Variants in PCNT observed in about 807,000 individuals in gnomAD.
PCNT encodes the protein pericentrin, also known as kendrin.
A neutral mutation model predicts 380.4 loss-of-function variants in PCNT; 319 were observed. The observed-to-expected ratio is 0.84, with a 90% CI of 0.77 to 0.92. The LOEUF is 0.92. Ranked by LOEUF, PCNT falls within the 40% of genes least tolerant of loss-of-function variation. The pLI, the probability that PCNT is intolerant of heterozygous loss-of-function variation, is 0.00. For synonymous variants in PCNT, 1,845 were observed against 1,735.2 expected (o/e 1.06, Z -1.57); for missense variants, 4,400 against 4,255.3 (o/e 1.03, Z -0.95).
At position 46,346,708 on chromosome 21, in the gene PCNT, A is replaced by G. The variant is rs753024808; in HGVS notation, c.721-35A>G. The G allele has an allele frequency of 3.8e-6, 6 of 1,579,910 alleles. No individual in the cohort carries two copies. The Admixed American group carries it at 5.5e-5, about 15-fold the overall frequency. ...TCCCTGATGCGCCCTGGTTCTGACC[A>G]TGGGCCCTTATCAGAGGCCTTTTCT... is the stretch of plus-strand genomic sequence containing the variant. On this transcript the variant is annotated intron_variant, in intron 4 of 46. Coordinates refer to ENST00000359568, the MANE Select transcript of PCNT (RefSeq NM_006031.6).
At chr21:46,358,149 C>T (rs112324320) in intron 13 of PCNT, among the ~76,000 whole-genome samples, 27 of 152,300 alleles carry the variant, frequency 1.8e-4, no homozygotes, top group Non-Finnish European at 2.5e-4. Flanking sequence ...CCGTCCCATG[C>T]GGGAGCAGTG....
intron 20 of PCNT, 118 bp from the exon 21 acceptor site, chr21:46,391,046 C>T: frequency 8.5e-7 from 1 of 1,173,696 alleles, no homozygotes; most frequent in Non-Finnish European, 1.2e-6. Flanking sequence ...GTCCTGGAAG[C>T]TGCTGGCTCT....
chr21:46,366,565 G>A lies in PCNT; in HGVS notation c.2610-19G>A. On this transcript the variant is annotated intron_variant, in intron 14 of 46. Coordinates refer to ENST00000359568, the MANE Select transcript of PCNT (RefSeq NM_006031.6). ...CCTGATGCATGTTTAACTGTCCTGT[G>A]TTCACTTTGTTGCCGCAGGTTTTTA... 6.2e-7 allele frequency: 1 copy of A among 1,609,052 alleles called. No homozygotes were observed. Among genetic ancestry groups the A allele is most frequent in the Non-Finnish European group, 8.5e-7 (1 of 1,175,506 alleles).
chr21:46,428,963 G>A (rs1208424363), intron 35 of PCNT, among the ~76,000 whole-genome samples: 48 of 152,236 alleles, frequency 3.2e-4, no homozygotes, highest in Non-Finnish European at 1.2e-4. Context: ...GGTAAGTAAC[G>A]ATTTTTTGTT....
intron 3 of PCNT, among the ~76,000 whole-genome samples, chr21:46,343,380 AT>A (rs1393524628): frequency 3.3e-5 from 5 of 152,100 alleles, no homozygotes; most frequent in Non-Finnish European, 5.9e-5. Context: ...TTCTGCATCT[AT>A]TGAGATGATC....
chr21:46,362,850 G>A (rs1022901936), intron 13 of PCNT, among the ~76,000 whole-genome samples: 2 of 151,814 alleles, frequency 1.3e-5, no homozygotes, highest in African/African-American at 2.4e-5. Flanking sequence ...TCCAGCCTGG[G>A]CGACAGACCC....
At chr21:46,325,217 G>C (rs2083336403) in intron 1 of PCNT, 1 of 984,554 alleles carries the variant, frequency 1.0e-6, no homozygotes, top group Non-Finnish European at 1.2e-6. Context: ...CGAGGTGCGC[G>C]CCGCTCCCCC....
chr21:46,443,583 C>T (rs1032765754), intron 44 of PCNT, among the ~76,000 whole-genome samples: 6 of 152,148 alleles, frequency 3.9e-5, no homozygotes, highest in African/African-American at 9.7e-5. Context: ...CCCCCTGCCC[C>T]GCACTCCCCC....
chr21:46,428,385 G>A lies in PCNT; in HGVS notation c.7495-10G>A, dbSNP rs748045851. On this transcript the variant is annotated splice_polypyrimidine_tract_variant and intron_variant, in intron 34 of 46. Transcript: ENST00000359568. ...CAATGCTCAGGCTGCTTGTCCCATT[G>A]TGCCCCCAGGGAGACCTGCAGGAAA... 1.2e-6 allele frequency: 2 copies of A among 1,611,268 alleles called. No individual in the cohort carries two copies. The highest frequency in any genetic ancestry group is 1.7e-6 in the Non-Finnish European group (2 of 1,179,298).
chr21:46,373,921 C>T (rs1292921901), intron 15 of PCNT, among the ~76,000 whole-genome samples: 2 of 150,706 alleles, frequency 1.3e-5, no homozygotes, highest in African/African-American at 4.9e-5. Context: ...GTAGAAACAG[C>T]GTTTCACCAT....
At chr21:46,414,166 A>AT (rs1209760562) in intron 29 of PCNT, among the ~76,000 whole-genome samples, 7 of 151,834 alleles carry the variant, frequency 4.6e-5, no homozygotes, top group Admixed American at 1.3e-4. Flanking sequence ...TGATTTTTGT[A>AT]TTTTTAGTAG....
intron 10 of PCNT, among the ~76,000 whole-genome samples, 170 bp from the exon 11 acceptor site, chr21:46,353,817 T>A (rs1007202825): frequency 6.6e-6 from 1 of 151,918 alleles, no homozygotes; most frequent in Non-Finnish European, 1.5e-5. Flanking sequence ...CCCTGTGCCG[T>A]GTCTCTGGCT....
rs372175239 is a variant in PCNT at position 46,391,300 on chromosome 21, G to A, written c.4140G>A (p.Ala1380=). 9.8e-4 allele frequency: 1,538 copies of A among 1,573,266 alleles called. 2 individuals carry two copies. The highest frequency in any genetic ancestry group is 1.1e-3 in the Non-Finnish European group (1,285 of 1,159,280). The change falls in exon 21 of 47, where the codon GCG becomes GCA. Residue 1380 remains alanine, a synonymous_variant. Transcript: ENST00000359568. ...TGCAGCAGGCGGCCCAGGAGCAGGC[G>A]GCGCTGAGGGAGGAGTGCACCCGTC... ...RQLQQAAQEQ[A]ALREECTRLW...
chr21:46,333,696 T>G (rs1165954769), intron 2 of PCNT, among the ~76,000 whole-genome samples: 1 of 132,910 alleles, frequency 7.5e-6, no homozygotes, highest in African/African-American at 2.9e-5. Context: ...AGGTCAGGAG[T>G]TCAAGACCAG....
intron 2 of PCNT, 103 bp downstream of exon 2, chr21:46,326,692 G>T (rs2083405648): frequency 7.9e-7 from 1 of 1,258,212 alleles, no homozygotes. Flanking sequence ...CCTTTCAAAA[G>T]TGAGGAAAGA....
chr21:46,413,988 TTCTC>T (rs1163735199), intron 29 of PCNT, among the ~76,000 whole-genome samples: 3 of 127,968 alleles, frequency 2.3e-5, no homozygotes, highest in African/African-American at 1.0e-4. Context: ...TTTATTTTTT[TTCTC>T]TCTTTTTTTT....
chr21:46,414,455 C>CCCCCCTCCT (rs71318075), intron 29 of PCNT, among the ~76,000 whole-genome samples: 1 of 122,954 alleles, frequency 8.1e-6, no homozygotes, highest in Non-Finnish European at 1.6e-5. Context: ...CAGTCGCCCA[C>CCCCCCTCCT]CCTCCTCCTC....
rs752673046 is a variant in PCNT at position 46,413,042 on chromosome 21, G to A, written c.6150+50G>A. ...GGTCCCCCCGGGAGAGGCTGGACAC[G>A]CGGCAGCAAGGTGTGGGGAGCGGGG... On this transcript the variant is annotated intron_variant, in intron 29 of 46. Coordinates refer to ENST00000359568, the MANE Select transcript of PCNT (RefSeq NM_006031.6). The A allele has an allele frequency of 6.5e-6, 10 of 1,546,492 alleles. No individual in the cohort carries two copies. The African/African-American group carries it at 1.1e-4, about 17-fold the overall frequency.
chr21:46,409,965 A>C (rs1469498639), intron 27 of PCNT, among the ~76,000 whole-genome samples: 1 of 152,152 alleles, frequency 6.6e-6, no homozygotes, highest in Non-Finnish European at 1.5e-5. Context: ...CAGTATTTTA[A>C]CGTGATATAT....
Sources: gnomAD v4.1 joint callset for allele counts (sites outside exome capture counted in the v4.1 genomes callset) on GRCh38, gnomAD v4.1.1 for gene constraint, MANE v1.5 for transcripts, NCBI Gene and HGNC (gene_info 2026-07-23, HGNC 2026-07-21) for gene names.